SCAI: variants seen among roughly 807,000 people sequenced by gnomAD.
SCAI encodes the protein suppressor of cancer cell invasion, also known as protein SCAI.
SCAI carries 24 observed loss-of-function variants against 92.2 expected under a neutral mutation model. The observed-to-expected ratio is 0.26, with a 90% CI of 0.19 to 0.37. The LOEUF is 0.37. SCAI is among the 10% of genes least tolerant of loss of function. The pLI, the probability that SCAI is intolerant of heterozygous loss-of-function variation, is 1.00. For synonymous variants in SCAI, 261 were observed against 258.6 expected, an observed-to-expected ratio of 1.01 and a Z score of -0.09; for missense variants, 450 against 736.2, an observed-to-expected ratio of 0.61 and a Z score of 4.50.
At chr9:125,003,428 C>T (rs750353853) in intron 10 of SCAI, 41 bp downstream of exon 10, 1 of 1,359,136 alleles carries the variant, frequency 7.4e-7, no homozygotes, top group Non-Finnish European at 1.1e-6. Context: ...GAGACGCAGC[C>T]AGAGGGTTAC....
chr9:125,042,636 C>CGTGT (rs1564390396), intron 3 of SCAI, among the ~76,000 whole-genome samples: 6 of 61,940 alleles, frequency 9.7e-5, no homozygotes, highest in African/African-American at 3.9e-4. Flanking sequence ...TGTGTGTGTA[C>CGTGT]ACACACACAC....
chr9:125,143,387 G>T lies in SCAI; in HGVS notation c.51C>A (p.Pro17=). ...CGGCCTCCACCCAGCCCCCGCACCT[G>T]GGGGCCAGGCGACTCCGCGGCTGCT... The part of the protein sequence containing the change: ...QPQQPRSRLA[P]RLTGTVEKPP... The change falls in exon 1 of 18, where the codon CCC becomes CCA. Residue 17 remains proline, a splice_region_variant and synonymous_variant. Transcript: ENST00000336505. 7.3e-7 allele frequency: 1 copy of T among 1,376,806 alleles called. No homozygotes were observed. The highest frequency in any genetic ancestry group is 9.4e-7 in the Non-Finnish European group (1 of 1,063,046). 85.3% of individuals were successfully genotyped at this position (1,376,806 alleles called of 1,614,324 possible). A position where few individuals can be genotyped will look rare whatever the true frequency, so the allele number is the denominator to read the frequency against.
At chr9:125,027,557 T>C (rs1387134006) in intron 5 of SCAI, among the ~76,000 whole-genome samples, 3 of 152,202 alleles carry the variant, frequency 2.0e-5, no homozygotes, top group Non-Finnish European at 4.4e-5. Context: ...TTCACTCTTG[T>C]TGCCCAGGCT....
At position 124,995,023 on chromosome 9, in the gene SCAI, A is replaced by C. The variant is rs779168205; in HGVS notation, c.1245-8T>G. 1 of 1,596,048 alleles carries C rather than the reference A, an allele frequency of 6.3e-7. No individual in the cohort carries two copies. The highest frequency in any genetic ancestry group is 1.3e-5 in the African/African-American group (1 of 74,612). On this transcript the variant is annotated splice_region_variant and splice_polypyrimidine_tract_variant and intron_variant, in intron 13 of 17. Transcript: ENST00000336505. ...AGATCCCCGGGATGAAGGCTGGGAAAACAACAACGAAGAACTGTTAAACTG... is the reference window on the plus strand; with the variant it reads ...AGATCCCCGGGATGAAGGCTGGGAACACAACAACGAAGAACTGTTAAACTG...
chr9:124,957,476 C>A (rs1256873728), intron 17 of SCAI, among the ~76,000 whole-genome samples: 2 of 150,542 alleles, frequency 1.3e-5, no homozygotes, highest in Non-Finnish European at 2.9e-5. Context: ...GATTCTCTTG[C>A]CTCAGCCTCC....
rs1353914704 is a variant in SCAI, at chr9:124,952,650, A to G, written c.*157T>C. On this transcript the variant is annotated 3_prime_UTR_variant, in exon 18 of 18. Transcript: ENST00000336505. ...GGTTGCATTTTAAAACAGTTACCCT[A>G]AAAGTGTGAACATTTTTTTGTTTGT... 6.8e-6 allele frequency: 4 copies of G among 586,138 alleles called. No homozygotes were observed. Among genetic ancestry groups the G allele is most frequent in the Non-Finnish European group, 1.1e-5 (4 of 347,986 alleles). 36.3% of individuals were successfully genotyped at this position (586,138 alleles called of 1,614,324 possible).
intron 15 of SCAI, among the ~76,000 whole-genome samples, chr9:124,974,939 A>G (rs1484704945): frequency 2.0e-5 from 3 of 152,224 alleles, no homozygotes; most frequent in Non-Finnish European, 4.4e-5. Context: ...GTTTGCCTCC[A>G]AAGTCTGTTT....
At chr9:125,027,087 T>C (rs1204180606) in intron 5 of SCAI, among the ~76,000 whole-genome samples, 177 bp from the exon 6 acceptor site, 2 of 152,050 alleles carry the variant, frequency 1.3e-5, no homozygotes, top group African/African-American at 4.8e-5. Flanking sequence ...GTATAAAAAA[T>C]AATAATGAAA....
At chr9:125,026,936 T>A (rs755184013) in intron 5 of SCAI, 26 bp from the exon 6 acceptor site, 1 of 1,350,674 alleles carries the variant, frequency 7.4e-7, no homozygotes, top group East Asian at 2.3e-5. Context: ...TATTTTTAAA[T>A]ATGACAGTGT....
intron 2 of SCAI, among the ~76,000 whole-genome samples, chr9:125,140,960 A>G (rs1397969220): frequency 6.6e-6 from 1 of 152,120 alleles, no homozygotes; most frequent in East Asian, 1.9e-4. Context: ...CAATTTTTGT[A>G]CTAACTTGAA....
rs754146389 is a variant in SCAI at position 124,952,973 on chromosome 9, AAAGTC to A, written c.1675-25_1675-21del. On this transcript the variant is annotated intron_variant, in intron 17 of 17. Transcript: ENST00000336505. ...TGTTTCCTGGTAGGCAAAGAAGAGA[AAAGTC>A]AAGTTTTGTAGTCTAATGAAAGAAA... 4 of 1,611,700 alleles carry A rather than the reference AAAGTC, an allele frequency of 2.5e-6. No homozygotes were observed. In the South Asian group the frequency reaches 4.4e-5, roughly 18 times the overall value.
At chr9:125,103,043 A>G (rs2131215990) in intron 2 of SCAI, among the ~76,000 whole-genome samples, 1 of 152,214 alleles carries the variant, frequency 6.6e-6, no homozygotes, top group East Asian at 1.9e-4. Flanking sequence ...CTAGGTCTAC[A>G]GTCATTTTTC....
At chr9:125,028,071 CATT>C (rs1428214256) in intron 5 of SCAI, among the ~76,000 whole-genome samples, 1 of 152,176 alleles carries the variant, frequency 6.6e-6, no homozygotes, top group Non-Finnish European at 1.5e-5. Context: ...CAATGCTACA[CATT>C]ATTAAGACAA....
At chr9:125,005,205 A>G (rs1384736693) in intron 9 of SCAI, among the ~76,000 whole-genome samples, 1 of 152,090 alleles carries the variant, frequency 6.6e-6, no homozygotes, top group African/African-American at 2.4e-5. Context: ...CACACATGAT[A>G]ATAAAACAGA....
chr9:125,139,209 T>A (rs1835610575), intron 2 of SCAI, among the ~76,000 whole-genome samples: 1 of 152,160 alleles, frequency 6.6e-6, no homozygotes, highest in African/African-American at 2.4e-5. Context: ...GCCCAGGAGT[T>A]CACGACCAGC....
intron 3 of SCAI, among the ~76,000 whole-genome samples, chr9:125,042,664 CACAT>C (rs1554783903): frequency 1.2e-4 from 15 of 129,824 alleles, no homozygotes; most frequent in African/African-American, 2.2e-4. Context: ...CACACACACA[CACAT>C]ATACAAAAAG....
intron 2 of SCAI, among the ~76,000 whole-genome samples, chr9:125,062,444 TAAAAAAAA>T (rs77722544): frequency 8.1e-6 from 1 of 123,650 alleles, no homozygotes; most frequent in African/African-American, 3.0e-5. Context: ...ATATTAAAAT[TAAAAAAAA>T]AAAAAAAAGA....
intron 17 of SCAI, among the ~76,000 whole-genome samples, chr9:124,957,830 C>T (rs1831353208): frequency 6.6e-6 from 1 of 151,384 alleles, no homozygotes; most frequent in South Asian, 2.1e-4. Context: ...TTACAGGCAC[C>T]CGCCACCACA....
chr9:125,093,652 G>A (rs1005605075), intron 2 of SCAI, among the ~76,000 whole-genome samples: 6 of 149,262 alleles, frequency 4.0e-5, no homozygotes, highest in African/African-American at 9.9e-5. Context: ...TGCAGCCTTC[G>A]CCTCCCGGGT....
Sources: allele counts gnomAD v4.1 joint callset (sites outside exome capture counted in the v4.1 genomes callset), GRCh38; gene constraint gnomAD v4.1.1; transcripts MANE v1.5; gene names NCBI Gene and HGNC (gene_info 2026-07-23, HGNC 2026-07-21).